Variants in GCG observed in about 807,000 individuals in gnomAD.
GCG encodes pro-glucagon.
A neutral mutation model predicts 22.8 loss-of-function variants in GCG; 11 were observed. That is an observed-to-expected ratio of 0.48 (90% CI 0.30 to 0.80). The LOEUF (loss-of-function observed/expected upper bound fraction) is 0.80, where lower values mean the gene tolerates loss of function less well. Among genes scored for constraint, GCG ranks in the 30% least tolerant of loss-of-function variants. The pLI is 0.06. For synonymous variants in GCG, 89 were observed against 72.4 expected, an observed-to-expected ratio of 1.23 and a Z score of -1.16; for missense variants, 222 against 222.0, an observed-to-expected ratio of 1.00 and a Z score of 0.00.
At chr2:162,150,614 A>G (rs1465605177) in intron 1 of GCG, among the ~76,000 whole-genome samples, 2 of 152,128 alleles carry the variant, frequency 1.3e-5, no homozygotes, top group Admixed American at 6.6e-5. Flanking sequence ...ACCTTGCCAT[A>G]TATTTAGGTA....
At chr2:162,146,920 G>T (rs1380900565) in intron 3 of GCG, among the ~76,000 whole-genome samples, 2 of 152,120 alleles carry the variant, frequency 1.3e-5, no homozygotes, top group Non-Finnish European at 2.9e-5. Context: ...TACAAGAAAA[G>T]GAATGCATCT....
Position 162,149,070 on chromosome 2 carries a change from G to GACT in GCG, c.92+14_92+16dup, listed in dbSNP as rs761799181. On this transcript the variant is annotated intron_variant, in intron 2 of 5. Coordinates refer to ENST00000418842, the MANE Select transcript of GCG (RefSeq NM_002054.5). ...CAACCATATTGATATGTTAGTTCGA[G>GACT]ACTACGGATTTAATACCTGGATTTC... 28 of 1,497,696 alleles carry GACT rather than the reference G, an allele frequency of 1.9e-5. No homozygotes were observed. The South Asian group carries it at 2.9e-4, about 16-fold the overall frequency. 92.8% of individuals were successfully genotyped at this position (1,497,696 alleles called of 1,614,324 possible).
chr2:162,144,035 G>A lies in GCG; in HGVS notation c.528C>T (p.Ile176=). The change falls in exon 5 of 6, where the codon ATC becomes ATT. Residue 176 remains isoleucine (I), a synonymous_variant. Transcript: ENST00000418842. ...AACTAAAAAGCAGTCACCTGTCAGT[G>A]ATTTTGGTCTGAATCAACCAGTTTA... The part of the protein sequence containing the change: ...DFINWLIQTK[I]TDRK 1 of 1,612,808 alleles carries A rather than the reference G, an allele frequency of 6.2e-7. No individual in the cohort carries two copies. Among genetic ancestry groups the A allele is most frequent in the Non-Finnish European group, 8.5e-7 (1 of 1,179,098 alleles).
At chr2:162,147,860 A>C (rs1051625641) in intron 2 of GCG, among the ~76,000 whole-genome samples, 8 of 152,174 alleles carry the variant, frequency 5.3e-5, no homozygotes, top group Admixed American at 3.9e-4. Flanking sequence ...AAGAGTGAAG[A>C]ATCCCAAATC....
chr2:162,144,567 A>G (rs530747401), intron 4 of GCG: 1 of 157,244 alleles, frequency 6.4e-6, no homozygotes, highest in Non-Finnish European at 1.4e-5. Context: ...AGCTTCATCT[A>G]TATTAGATTT....
At chr2:162,143,755 C>T in intron 5 of GCG, 1 of 478,650 alleles carries the variant, frequency 2.1e-6, no homozygotes, top group Non-Finnish European at 3.7e-6. Flanking sequence ...TGTAACATTT[C>T]CCATGTTTCA....
At position 162,143,163 on chromosome 2, in the gene GCG, C is replaced by G. The variant is rs1009721040; in HGVS notation, c.*201G>C. 10 of 404,106 alleles carry G rather than the reference C, an allele frequency of 2.5e-5. No individual in the cohort carries two copies. Among genetic ancestry groups the G allele is most frequent in the Non-Finnish European group, 4.1e-5 (9 of 220,162 alleles). The allele number at this position is 404,106 out of a possible 1,614,324, so 25.0% of individuals were successfully genotyped here. A position where few individuals can be genotyped will look rare whatever the true frequency, so the allele number is the denominator to read the frequency against. On this transcript the variant is annotated 3_prime_UTR_variant, in exon 6 of 6. Transcript: ENST00000418842. ...AATCTAGCACTTTCATATTTTAAAG[C>G]TGATATTTTAGCAATATTTTGATAA... is the stretch of plus-strand genomic sequence containing the variant.
chr2:162,147,296 T>G, intron 3 of GCG, 57 bp downstream of exon 3: 1 of 1,283,732 alleles, frequency 7.8e-7, no homozygotes, highest in Admixed American at 1.9e-5. Flanking sequence ...TCAAGAGAAA[T>G]TTTAGACCTA....
In GCG at chr2:162,144,066, T is replaced by G. The variant is rs368051970; in HGVS notation, c.497A>C (p.Asp166Ala). The stretch of plus-strand genomic sequence containing the variant: ...GGTCTGAATCAACCAGTTTATAAAG[T>G]CCCTGGCGGCAAGATTATCAAGAAT... ...NTILDNLAARDFINWLIQTKI... is the reference protein window; with the variant it reads ...NTILDNLAARAFINWLIQTKI... The change falls in exon 5 of 6, where the codon GAC becomes GCC. Residue 166 changes from aspartate to alanine, a missense_variant. Asp to Ala is a moderately radical substitution (Grantham distance 126). Coordinates refer to ENST00000418842, the MANE Select transcript of GCG (RefSeq NM_002054.5). 8.7e-6 allele frequency: 14 copies of G among 1,612,978 alleles called. No individual in the cohort carries two copies. The highest frequency in any genetic ancestry group is 1.1e-5 in the Non-Finnish European group (13 of 1,179,260).
rs1348399957 is a variant in GCG at position 162,143,327 on chromosome 2, G to T, written c.*37C>A. ...TTTCAAACATCCCACGTGGCTAGCAGGTGATGTTGTGAAGATGATCTTGAA... is the reference window on the plus strand; with the variant it reads ...TTTCAAACATCCCACGTGGCTAGCATGTGATGTTGTGAAGATGATCTTGAA... On this transcript the variant is annotated 3_prime_UTR_variant, in exon 6 of 6. Transcript: ENST00000418842. 2.5e-6 allele frequency: 3 copies of T among 1,212,276 alleles called. No homozygotes were observed. The highest frequency in any genetic ancestry group is 2.3e-6 in the Non-Finnish European group (2 of 866,550). 75.1% of individuals were successfully genotyped at this position (1,212,276 alleles called of 1,614,324 possible). A position where few individuals can be genotyped will look rare whatever the true frequency, so the allele number is the denominator to read the frequency against.
At chr2:162,149,229 A>G in intron 1 of GCG, 42 bp from the exon 2 acceptor site, 6 of 1,100,942 alleles carry the variant, frequency 5.4e-6, no homozygotes, top group Non-Finnish European at 8.3e-6. Flanking sequence ...GGGGGCAGGC[A>G]AGGATTTTTA....
intron 1 of GCG, among the ~76,000 whole-genome samples, chr2:162,149,767 C>T (rs894776092): frequency 6.6e-6 from 1 of 152,048 alleles, no homozygotes; most frequent in Non-Finnish European, 1.5e-5. Context: ...AAGCGGCCAA[C>T]AGATTTGAGG....
intron 3 of GCG, among the ~76,000 whole-genome samples, chr2:162,146,564 CTCTCTCTCT>C (rs1219894639): frequency 0.049 from 7,329 of 150,044 alleles, 634 homozygotes; most frequent in African/African-American, 0.17. Context: ...CTCTCTCTCT[CTCTCTCTCT>C]CCTTTCTTAC....
At chr2:162,144,255 A>T in intron 4 of GCG, 85 bp from the exon 5 acceptor site, 1 of 1,060,986 alleles carries the variant, frequency 9.4e-7, no homozygotes, top group Non-Finnish European at 1.5e-6. Context: ...TAACATGCAC[A>T]AGTGTCTTGA....
chr2:162,150,903 A>T (rs1204915143), intron 1 of GCG, among the ~76,000 whole-genome samples: 4 of 152,068 alleles, frequency 2.6e-5, no homozygotes, highest in African/African-American at 9.7e-5. Context: ...CACATAAAGA[A>T]GTGAGCGTTC....
In GCG at chr2:162,149,126, C is replaced by T; in HGVS notation, c.53G>A (p.Ser18Asn). 1.2e-6 allele frequency: 2 copies of T among 1,612,482 alleles called. No homozygotes were observed. Among genetic ancestry groups the T allele is most frequent in the East Asian group, 2.2e-5 (1 of 44,840 alleles). ...AGLFVMLVQGSWQRSLQDTEE... is the reference protein window; with the variant it reads ...AGLFVMLVQGNWQRSLQDTEE... ...TGTGTCTTGAAGGGAACGTTGCCAG[C>T]TGCCTTGTACCAGCATTACAAATAA... is the stretch of plus-strand genomic sequence containing the variant. Residue 18 changes from serine (S) to asparagine (N), a missense_variant, in exon 2 of 6, where the codon AGC becomes AAC. Ser to Asn is a conservative substitution (Grantham distance 46, BLOSUM62 1). Coordinates refer to ENST00000418842, the MANE Select transcript of GCG (RefSeq NM_002054.5).
chr2:162,144,132 C>T lies in GCG; in HGVS notation c.431G>A (p.Arg144His), dbSNP rs757350391. The change falls in exon 5 of 6, where the codon CGC (arginine) becomes CAC (histidine). Residue 144 changes from arginine to histidine, a missense_variant. Arg to His is a conservative substitution (Grantham distance 29). Transcript: ENST00000418842. ...EEVAIVEELG[R>H]RHADGSFSDE... is the part of the protein sequence containing the mutation. ...AGAGAAAGAACCATCAGCATGTCTG[C>T]GGCCAAGTTCTTCAACAATGGCGAC... 6.2e-6 allele frequency: 10 copies of T among 1,611,000 alleles called. No homozygotes were observed. The highest frequency in any genetic ancestry group is 1.3e-5 in the African/African-American group (1 of 74,866).
chr2:162,143,085 G>A lies in GCG; in HGVS notation c.*279C>T, dbSNP rs188487658. 323 of 293,768 alleles carry A rather than the reference G, an allele frequency of 1.1e-3. No homozygotes were observed. Among genetic ancestry groups the A allele is most frequent in the East Asian group, 7.0e-3 (121 of 17,184 alleles). 18.2% of individuals were successfully genotyped at this position (293,768 alleles called of 1,614,324 possible). ...TATATCATAGAAAAATAATTTTATC[G>A]CTAAATGTAAACAGGTTGGGGTACT... On this transcript the variant is annotated 3_prime_UTR_variant, in exon 6 of 6. Coordinates refer to ENST00000418842, the MANE Select transcript of GCG (RefSeq NM_002054.5).
chr2:162,148,556 T>C (rs1686753619), intron 2 of GCG, among the ~76,000 whole-genome samples: 1 of 152,080 alleles, frequency 6.6e-6, no homozygotes, highest in African/African-American at 2.4e-5. Flanking sequence ...AGCCATATAA[T>C]GAGCCAAGAG....
Sources: gnomAD v4.1 joint callset for allele counts (sites outside exome capture counted in the v4.1 genomes callset) on GRCh38, gnomAD v4.1.1 for gene constraint, MANE v1.5 for transcripts, NCBI Gene and HGNC (gene_info 2026-07-23, HGNC 2026-07-21) for gene names.